CIB4: variants seen among roughly 807,000 people sequenced by gnomAD.
The protein encoded by CIB4 is calcium and integrin-binding family member 4.
Under a neutral mutation model 25.8 loss-of-function variants are expected in CIB4, and 25 were observed. The observed-to-expected ratio is 0.97, with a 90% CI of 0.71 to 1.35. The LOEUF (loss-of-function observed/expected upper bound fraction) is 1.35, where lower values mean the gene tolerates loss of function less well. Among genes scored for constraint, CIB4 ranks in the 40% most tolerant of loss-of-function variants. The pLI, the probability that CIB4 is intolerant of heterozygous loss-of-function variation, is 0.00. For synonymous variants in CIB4, 75 were observed against 81.4 expected, an observed-to-expected ratio of 0.92 and a Z score of 0.42; for missense variants, 235 against 228.2, an observed-to-expected ratio of 1.03 and a Z score of -0.19.
At chr2:26,613,165 C>T (rs1669028745) in intron 3 of CIB4, among the ~76,000 whole-genome samples, 1 of 152,174 alleles carries the variant, frequency 6.6e-6, no homozygotes, top group South Asian at 2.1e-4. Flanking sequence ...CAGCTTATGC[C>T]TGGAGGCCTC....
At position 26,631,096 on chromosome 2, in the gene CIB4, G is replaced by A. The variant is rs998964224; in HGVS notation, c.90-1590C>T. Reference sequence around the variant, plus strand: ...GAAAGGAGTCTGTATGCAGGAGTGAGTGACTAACAGTCCCCTATTGACATT... The same window carrying A: ...GAAAGGAGTCTGTATGCAGGAGTGAATGACTAACAGTCCCCTATTGACATT... On this transcript the variant is annotated intron_variant, in intron 2 of 6. Coordinates refer to ENST00000288861, the MANE Select transcript of CIB4 (RefSeq NM_001029881.3). 2.4e-4 allele frequency among the ~76,000 whole-genome samples: 37 copies of A among 152,294 alleles called. 1 individual carries two copies. Among genetic ancestry groups the A allele is most frequent in the Non-Finnish European group, 4.4e-5 (3 of 68,030 alleles).
At chr2:26,640,345 T>C (rs1236411437) in intron 2 of CIB4, among the ~76,000 whole-genome samples, 188 bp downstream of exon 2, 1 of 152,220 alleles carries the variant, frequency 6.6e-6, no homozygotes. Flanking sequence ...TCAGCTCCAG[T>C]GGGGCTCTGC....
intron 4 of CIB4, among the ~76,000 whole-genome samples, chr2:26,592,401 G>T (rs935771898): frequency 6.6e-6 from 1 of 152,258 alleles, no homozygotes; most frequent in Admixed American, 6.5e-5. Context: ...GAACGCTGGT[G>T]TGGACAGGTG....
chr2:26,595,988 G>A (rs1436641179), intron 3 of CIB4, among the ~76,000 whole-genome samples: 6 of 152,112 alleles, frequency 3.9e-5, no homozygotes, highest in African/African-American at 1.2e-4. Flanking sequence ...CTGGTAGCAC[G>A]AATAGTACCT....
chr2:26,595,448 G>A (rs953125550), intron 3 of CIB4, 131 bp from the exon 4 acceptor site: 10 of 1,032,510 alleles, frequency 9.7e-6, no homozygotes, highest in South Asian at 7.1e-5. Flanking sequence ...TGTAAATATC[G>A]GAGTAGATGG....
At chr2:26,634,158 T>C (rs528472003) in intron 2 of CIB4, among the ~76,000 whole-genome samples, 1 of 152,272 alleles carries the variant, frequency 6.6e-6, no homozygotes, top group African/African-American at 2.4e-5. Flanking sequence ...TTCTACAAGC[T>C]TCTCAGTATT....
intron 3 of CIB4, among the ~76,000 whole-genome samples, chr2:26,596,572 C>T (rs1001463264): frequency 6.6e-6 from 1 of 151,964 alleles, no homozygotes. Flanking sequence ...GGTGAAACCC[C>T]GTCTCTACTA....
At chr2:26,633,057 C>T (rs1669454347) in intron 2 of CIB4, among the ~76,000 whole-genome samples, 1 of 152,002 alleles carries the variant, frequency 6.6e-6, no homozygotes, top group African/African-American at 2.4e-5. Flanking sequence ...GCCAGTCTTG[C>T]AAGGAAGGGA....
chr2:26,623,436 G>T (rs533100287), intron 3 of CIB4: 50 of 444,484 alleles, frequency 1.1e-4, no homozygotes, highest in South Asian at 8.5e-4. Flanking sequence ...TTGAAAGGCT[G>T]AGTAAATTTC....
chr2:26,620,877 C>G (rs1669191900), intron 3 of CIB4, among the ~76,000 whole-genome samples: 1 of 152,076 alleles, frequency 6.6e-6, no homozygotes, highest in Non-Finnish European at 1.5e-5. Context: ...AAAATGAGCT[C>G]TTGGAAACTA....
intron 3 of CIB4, among the ~76,000 whole-genome samples, chr2:26,617,147 T>TGTGTGTGTGTGTGTGTGCGC (rs10665609): frequency 2.0e-5 from 3 of 150,412 alleles, no homozygotes; most frequent in African/African-American, 7.4e-5. Context: ...TGTGTGTGTG[T>TGTGTGTGTGTGTGTGTGCGC]GCACGTGAGC....
At chr2:26,620,485 G>T (rs533599339) in intron 3 of CIB4, among the ~76,000 whole-genome samples, 3 of 152,168 alleles carry the variant, frequency 2.0e-5, no homozygotes, top group Non-Finnish European at 4.4e-5. Context: ...TTTCTCCACG[G>T]GGGACGTCAG....
At chr2:26,604,372 C>G (rs1668850794) in intron 3 of CIB4, among the ~76,000 whole-genome samples, 1 of 151,950 alleles carries the variant, frequency 6.6e-6, no homozygotes, top group Admixed American at 6.6e-5. Flanking sequence ...AGAGCAAGAC[C>G]CTGTTTAAAA....
chr2:26,621,628 T>C (rs983280263), intron 3 of CIB4, among the ~76,000 whole-genome samples: 2 of 152,212 alleles, frequency 1.3e-5, no homozygotes, highest in African/African-American at 2.4e-5. Flanking sequence ...TTTATCTCCA[T>C]GCAGCCTTTA....
intron 4 of CIB4, among the ~76,000 whole-genome samples, chr2:26,594,743 A>C (rs1148960): frequency 0.87 from 131,775 of 152,148 alleles, 58,708 homozygotes; most frequent in East Asian, 0.99. Flanking sequence ...CTCAGAGATT[A>C]TCTCTCCCTA....
chr2:26,595,090 A>G (rs1285862251), intron 4 of CIB4, 86 bp downstream of exon 4: 1 of 1,343,164 alleles, frequency 7.4e-7, no homozygotes, highest in Non-Finnish European at 1.0e-6. Flanking sequence ...AATGCCATCC[A>G]TCAATGAACT....
At chr2:26,631,930 C>T (rs1409324788) in intron 2 of CIB4, among the ~76,000 whole-genome samples, 4 of 152,232 alleles carry the variant, frequency 2.6e-5, no homozygotes, top group African/African-American at 7.2e-5. Flanking sequence ...AGGCCTGGGG[C>T]AGTCAGGGCT....
rs570392486 is a variant in CIB4 at position 26,639,194 on chromosome 2, C to A, written c.89+1339G>T. Among the ~76,000 whole-genome samples the A allele has an allele frequency of 7.3e-4, 103 of 141,846 alleles. 1 individual carries two copies. The South Asian group carries it at 0.023, about 31-fold the overall frequency. 93.1% of individuals were successfully genotyped at this position (141,846 alleles called of 152,430 possible). A position where few individuals can be genotyped will look rare whatever the true frequency, so the allele number is the denominator to read the frequency against. On this transcript the variant is annotated intron_variant, in intron 2 of 6. Coordinates refer to ENST00000288861, the MANE Select transcript of CIB4 (RefSeq NM_001029881.3). ...AGAACTTTTACACTATTTGAATTTT[C>A]TTTTTTTTTTTTTAAATTATATTTT...
chr2:26,592,840 T>C (rs1668609731), intron 4 of CIB4, among the ~76,000 whole-genome samples: 2 of 152,252 alleles, frequency 1.3e-5, no homozygotes, highest in African/African-American at 4.8e-5. Flanking sequence ...AGATTTCCTA[T>C]CTTTTCATTT....
Sources: gnomAD v4.1 joint callset for allele counts (sites outside exome capture counted in the v4.1 genomes callset) on GRCh38, gnomAD v4.1.1 for gene constraint, MANE v1.5 for transcripts, NCBI Gene and HGNC (gene_info 2026-07-23, HGNC 2026-07-21) for gene names.